The following NAV2 variants were observed in gnomAD, a reference collection of about 807,000 sequenced individuals.
NAV2 encodes the protein helicase, APC down-regulated 1.
A neutral mutation model predicts 223.2 loss-of-function variants in NAV2; 54 were observed. The observed-to-expected ratio is 0.24, with a 90% CI of 0.19 to 0.30. The LOEUF is 0.30. NAV2 is among the 10% of genes least tolerant of loss of function. NAV2 has a pLI of 1.00. For synonymous variants in NAV2, 1,279 were observed against 1,239.3 expected (o/e 1.03, Z -0.67); for missense variants, 2,806 against 3,147.5 (o/e 0.89, Z 2.60).
chr11:19,530,761 G>T (rs181605259), intron 1 of NAV2, among the ~76,000 whole-genome samples: 1 of 152,346 alleles, frequency 6.6e-6, no homozygotes, highest in East Asian at 1.9e-4. Context: ...GGACTGTGCA[G>T]GCACTGTATG....
At chr11:19,896,868 T>TA (rs2042023614) in intron 6 of NAV2, among the ~76,000 whole-genome samples, 1 of 152,332 alleles carries the variant, frequency 6.6e-6, no homozygotes, top group East Asian at 1.9e-4. Flanking sequence ...TTGACCCAGC[T>TA]ATCCCCATTA....
chr11:19,941,591 G>C (rs191545669), intron 8 of NAV2, among the ~76,000 whole-genome samples: 209 of 151,992 alleles, frequency 1.4e-3, no homozygotes, highest in Non-Finnish European at 1.9e-3. Context: ...CAAATGGGTG[G>C]GTTTTCCTAT....
intron 27 of NAV2, 111 bp from the exon 28 acceptor site, chr11:20,092,095 G>C (rs578091974): frequency 5.8e-5 from 58 of 1,005,546 alleles, no homozygotes; most frequent in Non-Finnish European, 8.5e-5. Flanking sequence ...TGTTCGCCTT[G>C]GGTGGAAGAC....
upstream of NAV2, chr11:19,711,917 A>G (rs1010477734): frequency 6.6e-5 from 10 of 152,180 alleles, no homozygotes; most frequent in African/African-American, 2.4e-4. Flanking sequence ...AAGCTTAAAT[A>G]ACTTGCCCAC....
At chr11:19,955,541 T>C (rs1007797810) in intron 10 of NAV2, among the ~76,000 whole-genome samples, 4 of 152,250 alleles carry the variant, frequency 2.6e-5, no homozygotes, top group South Asian at 4.1e-4. Flanking sequence ...CCTGTCAGTT[T>C]AGACTGCCTC....
At chr11:19,586,130 T>TC (rs1319860305) in intron 1 of NAV2, among the ~76,000 whole-genome samples, 2 of 152,206 alleles carry the variant, frequency 1.3e-5, no homozygotes, top group Non-Finnish European at 2.9e-5. Context: ...TTCATTCATT[T>TC]ATCTTCCATC....
In NAV2 at chr11:19,933,878, A is replaced by G. The variant is rs757038885; in HGVS notation, c.1634A>G (p.Lys545Arg). The G allele has an allele frequency of 9.4e-6, 15 of 1,599,846 alleles. No individual in the cohort carries two copies. The highest frequency in any genetic ancestry group is 1.3e-5 in the Non-Finnish European group (15 of 1,175,076). Residue 545 changes from lysine to arginine, a missense_variant, in exon 7 of 38, where the codon AAA becomes AGA. Physicochemically the swap from Lys to Arg is conservative, Grantham distance 26. This residue lies in a region of NAV2 where 1,167 missense variants were observed against 1,180.5 expected (regional missense o/e 0.99). Transcript: ENST00000349880. This position sits in a 1 kb window ranked among gnomAD's most constrained non-coding sequence, Gnocchi z 4.3. ...TCCAAGATTGCCAGCTTCATCCCCA[A>G]AGGGGGGAAGCTCAACAGTGCCAAG... The part of the protein sequence containing the change: ...KSSKIASFIP[K>R]GGKLNSAKKE...
rs535922233 is a variant in NAV2, at chr11:19,835,342, G to A, written c.385+2741G>A. 2.6e-5 allele frequency among the ~76,000 whole-genome samples: 4 copies of A among 152,212 alleles called. No individual in the cohort carries two copies. The South Asian group carries it at 8.3e-4, about 32-fold the overall frequency. On this transcript the variant is annotated intron_variant, in intron 2 of 37. Coordinates refer to ENST00000349880, the MANE Select transcript of NAV2 (RefSeq NM_145117.5). ...GACTCCTCAATAAGGCTGGATATCA[G>A]CATGTGACTCTCTCGCCAGACTGGC...
In NAV2 at chr11:19,597,835, C is replaced by T. The variant is rs114682354; in HGVS notation, c.76-234649C>T. Among the ~76,000 whole-genome samples, 993 of 152,264 alleles carry T rather than the reference C, an allele frequency of 6.5e-3. 8 individuals are homozygous for T. The highest frequency in any genetic ancestry group is 0.023 in the African/African-American group (943 of 41,552). On this transcript the variant is annotated intron_variant, in intron 1 of 37. Coordinates refer to the NAV2 transcript ENST00000360655. ...CAGAACTGCGAGTTTCACTGGGGTGCGTGTGTTTGTCTGAGATGAGTGGAG... is the reference window on the plus strand; with the variant it reads ...CAGAACTGCGAGTTTCACTGGGGTGTGTGTGTTTGTCTGAGATGAGTGGAG...
upstream of NAV2, among the ~76,000 whole-genome samples, chr11:19,346,326 G>T (rs929978623): frequency 6.6e-6 from 1 of 152,214 alleles, no homozygotes; most frequent in African/African-American, 2.4e-5. Flanking sequence ...GTGTGTATGT[G>T]TTGGTGGGGG....
intron 1 of NAV2, among the ~76,000 whole-genome samples, chr11:19,386,323 G>T (rs896090195): frequency 6.6e-6 from 1 of 152,314 alleles, no homozygotes; most frequent in East Asian, 1.9e-4. Context: ...CTCTATTGCT[G>T]TGTGATGTCT....
At chr11:19,382,036 G>A (rs1240287002) in intron 1 of NAV2, among the ~76,000 whole-genome samples, 1 of 152,174 alleles carries the variant, frequency 6.6e-6, no homozygotes, top group Non-Finnish European at 1.5e-5. Context: ...CTGACCCCCA[G>A]GTGGGAATGC....
intron 3 of NAV2, among the ~76,000 whole-genome samples, chr11:19,862,428 C>T (rs12361307): frequency 0.084 from 12,822 of 152,256 alleles, 631 homozygotes; most frequent in Admixed American, 0.12. Flanking sequence ...GAGCTTGAGC[C>T]GGCTTGCTGT....
Position 19,352,176 on chromosome 11 carries a change from G to A in NAV2, c.75+1149G>A, listed in dbSNP as rs1241303042. ...CACTATCTTGGGAACCTAGATAAGT[G>A]GGATTTGTTTTGTGGTGTTTGATTT... is the stretch of plus-strand genomic sequence containing the variant. On this transcript the variant is annotated intron_variant, in intron 1 of 37. Coordinates refer to the NAV2 transcript ENST00000360655. Among the ~76,000 whole-genome samples the A allele has an allele frequency of 3.3e-5, 5 of 152,280 alleles. No homozygotes were observed. The East Asian group carries it at 9.7e-4, about 29-fold the overall frequency.
intron 1 of NAV2, among the ~76,000 whole-genome samples, chr11:19,603,643 A>G (rs1488946741): frequency 6.6e-5 from 10 of 151,004 alleles, no homozygotes; most frequent in South Asian, 2.1e-4. Context: ...AAAAAAAAAA[A>G]AAAAAAGAAA....
At chr11:19,760,141 A>G (rs995677244) in intron 1 of NAV2, 3 of 152,400 alleles carry the variant, frequency 2.0e-5, no homozygotes, top group Non-Finnish European at 4.4e-5. Flanking sequence ...AGGGTTTAAA[A>G]CAGAACTGTA....
intron 1 of NAV2, among the ~76,000 whole-genome samples, chr11:19,396,708 G>A (rs542716247): frequency 1.3e-5 from 2 of 152,320 alleles, no homozygotes; most frequent in South Asian, 4.2e-4. Context: ...CATTGATGGA[G>A]TGGTCCGTGG....
intron 22 of NAV2, among the ~76,000 whole-genome samples, chr11:20,074,760 C>CCTTTTTTTTTTT (rs56895607): frequency 0.016 from 1,707 of 109,796 alleles, 99 homozygotes; most frequent in African/African-American, 0.03. Flanking sequence ...TGCAACTCTG[C>CCTTTTTTTTTTT]TTTTTTTTTT....
rs1564959991 is a variant in NAV2 at position 19,467,010 on chromosome 11, C to CACACACACACACACACACACACACAG, written c.75+115992_75+115993insCACACACACACACACAGACACACACA. ...ACACACACACACACACACACACACA[C>CACACACACACACACACACACACACAG]ACACACACAGAGAGAGAGAGAGAGA... On this transcript the variant is annotated intron_variant, in intron 1 of 37. Coordinates refer to the NAV2 transcript ENST00000360655. Among the ~76,000 whole-genome samples, 552 of 135,820 alleles carry CACACACACACACACACACACACACAG rather than the reference C, an allele frequency of 4.1e-3. 5 individuals carry two copies. The highest frequency in any genetic ancestry group is 0.014 in the African/African-American group (537 of 37,506). The allele number at this position is 135,820 out of a possible 152,430, so 89.1% of individuals were successfully genotyped here.
Sources: gnomAD v4.1 joint callset for allele counts (sites outside exome capture counted in the v4.1 genomes callset) on GRCh38, gnomAD v4.1.1 for gene constraint, gnomAD v4.1.1 regional missense constraint, Gnocchi (gnomAD v3.1) non-coding constraint, MANE v1.5 for transcripts, NCBI Gene and HGNC (gene_info 2026-07-23, HGNC 2026-07-21) for gene names.